The following SCAPER variants were observed in gnomAD, a reference collection of about 807,000 sequenced individuals.
SCAPER encodes the protein S-phase cyclin A associated protein in the ER.
In SCAPER, 98 loss-of-function variants were observed where a neutral mutation model predicts 182.2. The ratio of observed to expected loss-of-function variants is 0.54; its 90% CI spans 0.46 to 0.64. SCAPER has a LOEUF of 0.64. Among genes scored for constraint, SCAPER ranks in the 30% least tolerant of loss-of-function variants. SCAPER has a pLI of 0.00. For missense variants in SCAPER, 1,432 were observed against 1,690.0 expected, an observed-to-expected ratio of 0.85 and a Z score of 2.68; for synonymous variants, 605 against 564.6, an observed-to-expected ratio of 1.07 and a Z score of -1.01.
intron 22 of SCAPER, among the ~76,000 whole-genome samples, chr15:76,599,685 G>A (rs2145772392): frequency 8.2e-6 from 1 of 122,158 alleles, no homozygotes; most frequent in Middle Eastern, 5.0e-3. Context: ...CATCTGTGGT[G>A]AAAGACAAGC....
chr15:76,872,513 C>T lies in SCAPER; in HGVS notation c.7-9980G>A, dbSNP rs906638481. On this transcript the variant is annotated intron_variant, in intron 2 of 31. Coordinates refer to ENST00000563290, the MANE Select transcript of SCAPER (RefSeq NM_020843.4). ...AAAACTCAGCTGATTTTCCAACAAACGGACATGATAAACGTCAGTAAACAG... is the reference window on the plus strand; with the variant it reads ...AAAACTCAGCTGATTTTCCAACAAATGGACATGATAAACGTCAGTAAACAG... Among the ~76,000 whole-genome samples, 6 of 151,970 alleles carry T rather than the reference C, an allele frequency of 3.9e-5. No individual in the cohort carries two copies. The East Asian group carries it at 7.7e-4, about 20-fold the overall frequency.
At chr15:76,620,081 A>C (rs1020715840) in intron 22 of SCAPER, among the ~76,000 whole-genome samples, 1 of 151,766 alleles carries the variant, frequency 6.6e-6, no homozygotes, top group Non-Finnish European at 1.5e-5. Context: ...GTCTTCAAAA[A>C]ATATATATAT....
rs914474320 is a variant in SCAPER, at chr15:76,704,812, C to A, written c.2247+1091G>T. Among the ~76,000 whole-genome samples the A allele has an allele frequency of 4.6e-5, 7 of 152,176 alleles. No individual in the cohort carries two copies. In the South Asian group the frequency reaches 6.2e-4, roughly 13 times the overall value. ...ATGAAAAAATGCTCATCATCACTCT[C>A]CATCAGAGAAATGCAAATCAAAACC... On this transcript the variant is annotated intron_variant, in intron 18 of 31. Coordinates refer to ENST00000563290, the MANE Select transcript of SCAPER (RefSeq NM_020843.4).
At chr15:76,765,739 T>C in intron 11 of SCAPER, 101 bp from the exon 12 acceptor site, 1 of 990,618 alleles carries the variant, frequency 1.0e-6, no homozygotes, top group Non-Finnish European at 1.5e-6. Flanking sequence ...TGTTAATATA[T>C]TCTATTTAAC....
chr15:76,776,576 G>T (rs1181766227), intron 8 of SCAPER, among the ~76,000 whole-genome samples: 1 of 152,124 alleles, frequency 6.6e-6, no homozygotes, highest in Non-Finnish European at 1.5e-5. Context: ...AAAAAGTAGT[G>T]GGGGGCAGAT....
intron 31 of SCAPER, chr15:76,349,168 A>G (rs1489333242): frequency 6.5e-6 from 1 of 152,842 alleles, no homozygotes; most frequent in Non-Finnish European, 1.5e-5. Context: ...ATTGCACTCC[A>G]GGATAGGCAA....
intron 15 of SCAPER, among the ~76,000 whole-genome samples, chr15:76,733,904 T>C (rs1002207855): frequency 1.3e-5 from 2 of 152,164 alleles, no homozygotes; most frequent in African/African-American, 2.4e-5. Context: ...CCAGTGTGTA[T>C]AAAAAATCCA....
chr15:76,483,236 A>T (rs1337368185), intron 24 of SCAPER, among the ~76,000 whole-genome samples: 1 of 151,884 alleles, frequency 6.6e-6, no homozygotes, highest in Non-Finnish European at 1.5e-5. Flanking sequence ...GAGCAAAGGC[A>T]ACCAAACAAA....
chr15:76,726,149 AT>A (rs1344867397), intron 17 of SCAPER, among the ~76,000 whole-genome samples: 12 of 130,618 alleles, frequency 9.2e-5, no homozygotes, highest in African/African-American at 2.3e-4. Flanking sequence ...ATATATATAT[AT>A]ATATAAAAAA....
chr15:76,554,364 C>T (rs1206755209), intron 23 of SCAPER, among the ~76,000 whole-genome samples: 1 of 152,088 alleles, frequency 6.6e-6, no homozygotes, highest in East Asian at 1.9e-4. Flanking sequence ...TCACTGACAT[C>T]CTTGAAAGAG....
intron 24 of SCAPER, among the ~76,000 whole-genome samples, chr15:76,497,109 C>CTTTTTTT (rs57202860): frequency 6.9e-5 from 6 of 86,704 alleles, no homozygotes; most frequent in African/African-American, 2.8e-4. Flanking sequence ...TTGGTCTCCT[C>CTTTTTTT]TTTTTTTTTT....
At chr15:76,797,144 A>AGTTAG (rs1446007582) in intron 7 of SCAPER, 1 of 152,214 alleles carries the variant, frequency 6.6e-6, no homozygotes, top group Admixed American at 6.5e-5. Flanking sequence ...TGTGACATGA[A>AGTTAG]GTTAGGAGAT....
intron 27 of SCAPER, 40 bp from the exon 28 acceptor site, chr15:76,381,655 AATGG>A: frequency 1.4e-6 from 2 of 1,468,878 alleles, no homozygotes; most frequent in Non-Finnish European, 1.9e-6. Context: ...AAAACTACTT[AATGG>A]ATGTTAGCAA....
At chr15:76,519,142 C>T (rs913099183) in intron 23 of SCAPER, among the ~76,000 whole-genome samples, 1 of 152,166 alleles carries the variant, frequency 6.6e-6, no homozygotes, top group Non-Finnish European at 1.5e-5. Flanking sequence ...CCTTCCTATT[C>T]ATAAGGAGCA....
At chr15:76,821,229 C>T (rs1326312561) in intron 5 of SCAPER, among the ~76,000 whole-genome samples, 1 of 152,188 alleles carries the variant, frequency 6.6e-6, no homozygotes, top group African/African-American at 2.4e-5. Context: ...GCCACCAAGA[C>T]GTTCTTCAGT....
chr15:76,843,834 A>G (rs1400853696), intron 4 of SCAPER, among the ~76,000 whole-genome samples: 2 of 152,118 alleles, frequency 1.3e-5, no homozygotes, highest in Non-Finnish European at 2.9e-5. Flanking sequence ...TAACTAGTAG[A>G]GAGTTTTAAA....
intron 18 of SCAPER, among the ~76,000 whole-genome samples, chr15:76,704,988 C>T (rs540080980): frequency 8.6e-4 from 131 of 152,218 alleles, no homozygotes; most frequent in Middle Eastern, 6.8e-3. Flanking sequence ...GTCAGTGTGG[C>T]GATTCCTCAG....
chr15:76,426,391 T>C (rs2046431782), intron 26 of SCAPER, among the ~76,000 whole-genome samples: 1 of 152,088 alleles, frequency 6.6e-6, no homozygotes, highest in South Asian at 2.1e-4. Context: ...GCTCCATGGG[T>C]GTGGGACCCT....
At position 76,733,300 on chromosome 15, in the gene SCAPER, T is replaced by G; in HGVS notation, c.1951A>C (p.Arg651=). 6.2e-7 allele frequency: 1 copy of G among 1,612,246 alleles called. No individual in the cohort carries two copies. The stretch of plus-strand genomic sequence containing the variant: ...CGCTCTTCCTGTAGCTCATTAAGCC[T>G]CTGTTCATATTCCTTCAATTTTGAT... ...VLSKLKEYEQ[R]LNELQEERQR... is the part of the protein sequence containing the mutation. The change falls in exon 16 of 32, where the codon AGG becomes CGG. Residue 651 remains arginine, a synonymous_variant. Transcript: ENST00000563290.
Sources: allele counts gnomAD v4.1 joint callset (sites outside exome capture counted in the v4.1 genomes callset), GRCh38; gene constraint gnomAD v4.1.1; transcripts MANE v1.5; gene names NCBI Gene and HGNC (gene_info 2026-07-23, HGNC 2026-07-21).